The following RBM12 variants were observed in gnomAD, a reference collection of about 807,000 sequenced individuals.
The protein encoded by RBM12 is RNA-binding protein 12.
Under a neutral mutation model 37.2 loss-of-function variants are expected in RBM12, and 24 were observed. The observed-to-expected ratio is 0.65, with a 90% confidence interval of 0.47 to 0.91. The LOEUF (loss-of-function observed/expected upper bound fraction) is 0.91. Among genes scored for constraint, RBM12 ranks in the 40% least tolerant of loss-of-function variants. RBM12 has a pLI of 0.00. For missense variants in RBM12, 1,061 were observed against 1,183.2 expected (o/e 0.90, Z 1.52); for synonymous variants, 420 against 425.2 (o/e 0.99, Z 0.15).
chr20:35,655,697 T>G (rs1601482391), intron 2 of RBM12, among the ~76,000 whole-genome samples: 1 of 152,106 alleles, frequency 6.6e-6, no homozygotes, highest in Non-Finnish European at 1.5e-5. Context: ...GGAAACAAAG[T>G]TTAACAATCT....
chr20:35,650,477 T>C lies in RBM12; in HGVS notation c.*2047A>G, dbSNP rs1601461822. The stretch of plus-strand genomic sequence containing the variant: ...AAAATATCTGTGGCTGAAATACAAC[T>C]CTCAAGCAGTGCTGAAGTTTTTTGC... On this transcript the variant is annotated 3_prime_UTR_variant, in exon 3 of 3. Coordinates refer to ENST00000374114, the MANE Select transcript of RBM12 (RefSeq NM_006047.6). The C allele has an allele frequency of 6.6e-6, 1 of 152,624 alleles. No homozygotes were observed. Among genetic ancestry groups the C allele is most frequent in the Non-Finnish European group, 1.5e-5 (1 of 68,010 alleles). 9.5% of individuals were successfully genotyped at this position (152,624 alleles called of 1,614,324 possible).
Position 35,653,455 on chromosome 20 carries a change from T to A in RBM12, c.1868A>T (p.Asp623Val). The change falls in exon 3 of 3, where the codon GAT becomes GTT. Residue 623 changes from aspartate (D) to valine (V), a missense_variant. Asp to Val is a radical substitution (Grantham distance 152). Coordinates refer to ENST00000374114, the MANE Select transcript of RBM12 (RefSeq NM_006047.6). The part of the protein sequence containing the change: ...EAFVHVVTLE[D>V]MREIEKNPPA... ...GGGATTTTTCTCAATCTCTCTCATA[T>A]CTTCTAGGGTAACTACATGAACAAA... 1 of 1,614,172 alleles carries A rather than the reference T, an allele frequency of 6.2e-7. No individual in the cohort carries two copies. Among genetic ancestry groups the A allele is most frequent in the African/African-American group, 1.3e-5 (1 of 75,048 alleles).
rs186146702 is a variant in RBM12, at chr20:35,651,894, A to G, written c.*630T>C. 2.4e-4 allele frequency: 36 copies of G among 152,674 alleles called. 1 individual carries two copies. Among genetic ancestry groups the G allele is most frequent in the African/African-American group, 8.4e-4 (35 of 41,550 alleles). 9.5% of individuals were successfully genotyped at this position (152,674 alleles called of 1,614,324 possible). On this transcript the variant is annotated 3_prime_UTR_variant, in exon 3 of 3. Transcript: ENST00000374114. The stretch of plus-strand genomic sequence containing the variant: ...GAAGTGTGGACTTTTATATTTAGGG[A>G]AAAAAACCAACAAAACAGTTCTGCT...
chr20:35,653,952 T>A lies in RBM12; in HGVS notation c.1371A>T (p.Glu457Asp). Residue 457 changes from glutamate (E) to aspartate (D), a missense_variant, in exon 3 of 3, where the codon GAA (glutamate) becomes GAT (aspartate). By Grantham distance (45) the Glu-to-Asp change is conservative (BLOSUM62 2). This residue lies in a region of RBM12 where 540 missense variants were observed against 632.7 expected (regional missense o/e 0.85). Transcript: ENST00000374114. ...IDFFKKLDIV[E>D]DSIYIAYGPN... ...GTCCATAAGCTATATAAATACTATC[T>A]TCCACAATATCCAGCTTTTTAAAAA... 1 of 1,614,170 alleles carries A rather than the reference T, an allele frequency of 6.2e-7. No homozygotes were observed. The highest frequency in any genetic ancestry group is 8.5e-7 in the Non-Finnish European group (1 of 1,180,016).
At position 35,652,957 on chromosome 20, in the gene RBM12, G is replaced by A. The variant is rs1016443019; in HGVS notation, c.2366C>T (p.Pro789Leu). ...ACCAGGGCCATTTCCAAAATTCTGA[G>A]GGCCCCCTCCAAATCCCGATGGCCC... ...LSGPSGFGGGPQNFGNGPGSL... is the reference protein window; with the variant it reads ...LSGPSGFGGGLQNFGNGPGSL... The change falls in exon 3 of 3, where the codon CCT becomes CTT. Residue 789 changes from proline (P) to leucine (L), a missense_variant. Physicochemically the swap from Pro to Leu is moderately conservative, Grantham distance 98. Transcript: ENST00000374114. The A allele has an allele frequency of 6.2e-7, 1 of 1,613,700 alleles. No individual in the cohort carries two copies. The highest frequency in any genetic ancestry group is 1.3e-5 in the African/African-American group (1 of 74,948).
rs533401528 is a variant in RBM12, at chr20:35,650,583, T to C, written c.*1941A>G. The C allele has an allele frequency of 2.0e-5, 3 of 152,738 alleles. No homozygotes were observed. Among genetic ancestry groups the C allele is most frequent in the South Asian group, 2.1e-4 (1 of 4,826 alleles). 9.5% of individuals were successfully genotyped at this position (152,738 alleles called of 1,614,324 possible). A position where few individuals can be genotyped will look rare whatever the true frequency, so the allele number is the denominator to read the frequency against. Reference sequence around the variant, plus strand: ...TACAAACGTTATATTGCTTTTGAAATTGAGGAGGCAGTATCTAGTGATCGG... The same window carrying C: ...TACAAACGTTATATTGCTTTTGAAACTGAGGAGGCAGTATCTAGTGATCGG... On this transcript the variant is annotated 3_prime_UTR_variant, in exon 3 of 3. Coordinates refer to ENST00000374114, the MANE Select transcript of RBM12 (RefSeq NM_006047.6).
At chr20:35,663,901 T>A (rs1168302638) in intron 1 of RBM12, among the ~76,000 whole-genome samples, 1 of 152,040 alleles carries the variant, frequency 6.6e-6, no homozygotes, top group Admixed American at 6.6e-5. Flanking sequence ...TAACTCTCCA[T>A]CAAAAGCACC....
At chr20:35,656,187 T>A (rs1312605640) in intron 2 of RBM12, among the ~76,000 whole-genome samples, 1 of 152,200 alleles carries the variant, frequency 6.6e-6, no homozygotes, top group Non-Finnish European at 1.5e-5. Context: ...TAAAATTTTT[T>A]AAAGTATTAT....
At position 35,652,812 on chromosome 20, in the gene RBM12, TGGGCCA is replaced by T. The variant is rs569323785; in HGVS notation, c.2505_2510del (p.Gly836_Pro837del). The stretch of plus-strand genomic sequence containing the variant: ...AGCCAGGGGGACCACCAATATGGAT[TGGGCCA>T]GGGCCGGGGCCGGGGCCGGGGCCAG... On this transcript the variant is annotated inframe_deletion, in exon 3 of 3. Transcript: ENST00000374114. The T allele has an allele frequency of 1.3e-5, 21 of 1,587,810 alleles. No homozygotes were observed. Among genetic ancestry groups the T allele is most frequent in the East Asian group, 6.7e-5 (3 of 44,824 alleles).
In RBM12 at chr20:35,653,853, A is replaced by C; in HGVS notation, c.1470T>G (p.Arg490=). Reference sequence around the variant, plus strand: ...AGCGATTGCCCATGTACTGTTTATGACGACACAGAGCAGCCTTATAGTCAG... The same window carrying C: ...AGCGATTGCCCATGTACTGTTTATGCCGACACAGAGCAGCCTTATAGTCAG... ...NEADYKAALC[R]HKQYMGNRFI... Residue 490 remains arginine (R), a synonymous_variant, in exon 3 of 3, where the codon CGT becomes CGG. Coordinates refer to ENST00000374114, the MANE Select transcript of RBM12 (RefSeq NM_006047.6). 6.2e-7 allele frequency: 1 copy of C among 1,613,980 alleles called. No individual in the cohort carries two copies. Among genetic ancestry groups the C allele is most frequent in the Non-Finnish European group, 8.5e-7 (1 of 1,180,034 alleles).
At chr20:35,657,886 C>G (rs1235251158) in intron 2 of RBM12, among the ~76,000 whole-genome samples, 1 of 151,946 alleles carries the variant, frequency 6.6e-6, no homozygotes, top group East Asian at 1.9e-4. Flanking sequence ...CAAGGTGAAA[C>G]CCCGTCTCTA....
rs761609999 is a variant in RBM12, at chr20:35,653,108, G to A, written c.2215C>T (p.Pro739Ser). The change falls in exon 3 of 3, where the codon CCT becomes TCT. Residue 739 changes from proline (P) to serine (S), a missense_variant. Coordinates refer to ENST00000374114, the MANE Select transcript of RBM12 (RefSeq NM_006047.6). ...GSNAFGPPIP[P>S]PGLGGGAFGD... ...AAGGCCCCGCCTCCTAATCCTGGAG[G>A]AGGGATTGGTGGCCCAAAGGCATTT... 35 of 1,613,706 alleles carry A rather than the reference G, an allele frequency of 2.2e-5. No homozygotes were observed. The highest frequency in any genetic ancestry group is 1.7e-4 in the Admixed American group (10 of 60,016).
At chr20:35,658,753 T>C (rs941530741) in intron 2 of RBM12, among the ~76,000 whole-genome samples, 177 bp downstream of exon 2, 36 of 151,530 alleles carry the variant, frequency 2.4e-4, no homozygotes, top group African/African-American at 8.0e-4. Context: ...GAGTCTAGCC[T>C]GGGCAACTGA....
In RBM12 at chr20:35,664,463, C is replaced by G. The variant is rs2034424530; in HGVS notation, c.-108+297G>C. 4 of 152,352 alleles carry G rather than the reference C, an allele frequency of 2.6e-5. No individual in the cohort carries two copies. In the South Asian group the frequency reaches 8.3e-4, roughly 32 times the overall value. 9.4% of individuals were successfully genotyped at this position (152,352 alleles called of 1,614,324 possible). On this transcript the variant is annotated intron_variant, in intron 1 of 2. Coordinates refer to ENST00000374114, the MANE Select transcript of RBM12 (RefSeq NM_006047.6). The stretch of plus-strand genomic sequence containing the variant: ...GTTTTTACTGCAGTCCCCGTTAGCT[C>G]GCAGGCCGCTGAGCCAGCCAGCTCT...
rs2033697054 is a variant in RBM12, at chr20:35,653,622, G to C, written c.1701C>G (p.Ile567Met). The change falls in exon 3 of 3, where the codon ATC (isoleucine) becomes ATG (methionine). Residue 567 changes from isoleucine (I) to methionine (M), a missense_variant. Ile to Met is a conservative substitution (Grantham distance 10, BLOSUM62 1). Coordinates refer to ENST00000374114, the MANE Select transcript of RBM12 (RefSeq NM_006047.6). Reference sequence around the variant, plus strand: ...CATGTACAGCATTTTCATCCACTGGGATTCCTTCTAGGAACTGAAGAACAT... The same window carrying C: ...CATGTACAGCATTTTCATCCACTGGCATTCCTTCTAGGAACTGAAGAACAT... Reference protein sequence around the residue: ...KMDVLQFLEGIPVDENAVHVL... With the variant: ...KMDVLQFLEGMPVDENAVHVL... 6.2e-7 allele frequency: 1 copy of C among 1,614,144 alleles called. No individual in the cohort carries two copies. Among genetic ancestry groups the C allele is most frequent in the South Asian group, 1.1e-5 (1 of 91,080 alleles).
Position 35,654,227 on chromosome 20 carries a change from G to A in RBM12, c.1096C>T (p.Leu366=). 6.2e-7 allele frequency: 1 copy of A among 1,614,186 alleles called. No homozygotes were observed. The highest frequency in any genetic ancestry group is 8.5e-7 in the Non-Finnish European group (1 of 1,180,040). Residue 366 remains leucine, a synonymous_variant, in exon 3 of 3, where the codon CTG becomes TTG. Transcript: ENST00000374114. ...ACTTCCACATAGCGTTGAATCATCAGCATTCTGTTTCGTTTCAAAGCTTCA... is the reference window on the plus strand; with the variant it reads ...ACTTCCACATAGCGTTGAATCATCAACATTCTGTTTCGTTTCAAAGCTTCA... ...TFEALKRNRM[L]MIQRYVEVSP... is the part of the protein sequence containing the mutation.
chr20:35,652,654 T>C lies in RBM12; in HGVS notation c.2669A>G (p.Tyr890Cys). 1.9e-6 allele frequency: 3 copies of C among 1,614,226 alleles called. No homozygotes were observed. Among genetic ancestry groups the C allele is most frequent in the Non-Finnish European group, 2.5e-6 (3 of 1,180,036 alleles). ...QVIPGSVCLKYNEKGMPTGEA... is the reference protein window; with the variant it reads ...QVIPGSVCLKCNEKGMPTGEA... ...ACCTGTGGGCATACCTTTTTCATTGTATTTTAAACACACTGAGCCTGGGAT... is the reference window on the plus strand; with the variant it reads ...ACCTGTGGGCATACCTTTTTCATTGCATTTTAAACACACTGAGCCTGGGAT... The change falls in exon 3 of 3, where the codon TAC becomes TGC. Residue 890 changes from tyrosine to cysteine, a missense_variant. Tyr to Cys is a radical substitution (Grantham distance 194, BLOSUM62 -2). Coordinates refer to ENST00000374114, the MANE Select transcript of RBM12 (RefSeq NM_006047.6).
chr20:35,653,059 G>A lies in RBM12; in HGVS notation c.2264C>T (p.Pro755Leu). The A allele has an allele frequency of 6.2e-7, 1 of 1,613,904 alleles. No homozygotes were observed. Among genetic ancestry groups the A allele is most frequent in the Non-Finnish European group, 8.5e-7 (1 of 1,180,034 alleles). Reference sequence around the variant, plus strand: ...AGGCAAACCACTGTTTCCAACTGAAGGCATACCAGGCCTAGCATCACCAAA... The same window carrying A: ...AGGCAAACCACTGTTTCCAACTGAAAGCATACCAGGCCTAGCATCACCAAA... Reference protein sequence around the residue: ...GAFGDARPGMPSVGNSGLPGL... With the variant: ...GAFGDARPGMLSVGNSGLPGL... Residue 755 changes from proline (P) to leucine (L), a missense_variant, in exon 3 of 3, where the codon CCT (proline) becomes CTT (leucine). This residue lies in a region of RBM12 where 517 missense variants were observed against 534.0 expected (regional missense o/e 0.97). Transcript: ENST00000374114.
rs10542710 is a variant in RBM12 at position 35,658,802 on chromosome 20, AACACACACACAC to A, written c.-23+116_-23+127del. 6.2e-3 allele frequency: 2,915 copies of A among 473,534 alleles called. 22 individuals carry two copies. The highest frequency in any genetic ancestry group is 0.033 in the Admixed American group (861 of 26,010). The allele number at this position is 473,534 out of a possible 1,614,324, so 29.3% of individuals were successfully genotyped here. On this transcript the variant is annotated intron_variant, in intron 2 of 2. Transcript: ENST00000374114. ...TCAAAACAAAAAACAAGCAAACAAA[AACACACACACAC>A]ACACACACACACACACACACACACA...
Sources: allele counts gnomAD v4.1 joint callset (sites outside exome capture counted in the v4.1 genomes callset), GRCh38; gene constraint gnomAD v4.1.1; regional missense constraint gnomAD v4.1.1; transcripts MANE v1.5; gene names NCBI Gene and HGNC (gene_info 2026-07-23, HGNC 2026-07-21).